GRB2: variants seen among roughly 807,000 people sequenced by gnomAD.
GRB2 encodes growth factor receptor-bound protein 2.
GRB2 carries 2 observed loss-of-function variants against 27.4 expected under a neutral mutation model. The ratio of observed to expected loss-of-function variants is 0.07; its 90% confidence interval spans 0.03 to 0.23. The LOEUF (loss-of-function observed/expected upper bound fraction) is 0.23. Ranked by LOEUF, GRB2 falls within the 10% of genes least tolerant of loss-of-function variation. The pLI is 1.00. For missense variants in GRB2, 102 were observed against 282.4 expected (o/e 0.36, Z 4.58); for synonymous variants, 94 against 99.6 (o/e 0.94, Z 0.33).
At chr17:75,337,517 C>T (rs564793822) in intron 2 of GRB2, among the ~76,000 whole-genome samples, 291 of 151,788 alleles carry the variant, frequency 1.9e-3, no homozygotes, top group African/African-American at 6.8e-3. Context: ...TTTGCTGTGG[C>T]TTTAGGTGAA....
intron 2 of GRB2, among the ~76,000 whole-genome samples, chr17:75,377,180 G>A (rs2078899496): frequency 6.6e-6 from 1 of 151,958 alleles, no homozygotes; most frequent in African/African-American, 2.4e-5. Context: ...ATAATACAGG[G>A]TGTGGTGGTG....
chr17:75,335,469 C>T (rs2078570855), intron 2 of GRB2, among the ~76,000 whole-genome samples: 2 of 152,120 alleles, frequency 1.3e-5, no homozygotes, highest in Admixed American at 1.3e-4. Context: ...CTGTGTACTG[C>T]CATTCAAAGT....
intron 2 of GRB2, among the ~76,000 whole-genome samples, chr17:75,354,724 T>G (rs1437177967): frequency 6.6e-6 from 1 of 152,122 alleles, no homozygotes; most frequent in Non-Finnish European, 1.5e-5. Flanking sequence ...TGACAGCTAT[T>G]ATTCAAACTT....
chr17:75,364,713 T>C (rs1255647380), intron 2 of GRB2, among the ~76,000 whole-genome samples: 2 of 152,062 alleles, frequency 1.3e-5, no homozygotes, highest in Non-Finnish European at 2.9e-5. Context: ...TCTGCAGCTG[T>C]AGGGGATGGA....
intron 2 of GRB2, chr17:75,371,500 A>T (rs1346887115): frequency 6.6e-6 from 1 of 152,122 alleles, no homozygotes; most frequent in Non-Finnish European, 1.5e-5. Context: ...ACATTAAACT[A>T]TGTTGCTAGG....
At chr17:75,362,576 T>C (rs553452683) in intron 2 of GRB2, among the ~76,000 whole-genome samples, 2 of 152,386 alleles carry the variant, frequency 1.3e-5, no homozygotes, top group Admixed American at 1.3e-4. Context: ...ACTTTATCCC[T>C]GTTCTTAGCA....
chr17:75,363,710 A>G (rs900118375), intron 2 of GRB2, among the ~76,000 whole-genome samples: 1 of 151,732 alleles, frequency 6.6e-6, no homozygotes. Context: ...ATACAAAAAA[A>G]TTAGCCGGGC....
chr17:75,394,328 G>C (rs1333976154), intron 1 of GRB2: 1 of 152,312 alleles, frequency 6.6e-6, no homozygotes, highest in African/African-American at 2.4e-5. Context: ...GCTCCCAGGA[G>C]AGCAGGAGAA....
chr17:75,373,412 C>CT (rs1160602770), intron 2 of GRB2: 1 of 152,214 alleles, frequency 6.6e-6, no homozygotes, highest in Non-Finnish European at 1.5e-5. Flanking sequence ...CTCATGTCTA[C>CT]TTTTATAACT....
intron 2 of GRB2, among the ~76,000 whole-genome samples, chr17:75,393,182 A>G (rs2145872531): frequency 6.6e-6 from 1 of 152,350 alleles, no homozygotes; most frequent in Middle Eastern, 3.4e-3. Context: ...ATGCTTTTAC[A>G]TAAATACTTC....
chr17:75,369,850 C>T (rs1057044407), intron 2 of GRB2, among the ~76,000 whole-genome samples: 2 of 95,002 alleles, frequency 2.1e-5, no homozygotes, highest in African/African-American at 5.2e-5. Flanking sequence ...ACAGAGACTC[C>T]GTCTCAAAAA....
chr17:75,347,454 T>A (rs1305032694), intron 2 of GRB2, among the ~76,000 whole-genome samples: 1 of 152,156 alleles, frequency 6.6e-6, no homozygotes, highest in Non-Finnish European at 1.5e-5. Flanking sequence ...TTTCTTTGCA[T>A]GCCCACAAAC....
chr17:75,391,573 C>G (rs1356810769), intron 2 of GRB2, among the ~76,000 whole-genome samples: 2 of 152,086 alleles, frequency 1.3e-5, no homozygotes, highest in Non-Finnish European at 2.9e-5. Flanking sequence ...CTTTGGGAGG[C>G]CGAGGTGGGC....
At chr17:75,380,734 T>C (rs1487618624) in intron 2 of GRB2, among the ~76,000 whole-genome samples, 1 of 152,164 alleles carries the variant, frequency 6.6e-6, no homozygotes, top group Admixed American at 6.5e-5. Flanking sequence ...CTGACAAAGC[T>C]ATAAAAAAAG....
chr17:75,321,770 G>A lies in GRB2; in HGVS notation c.357C>T (p.Phe119=), dbSNP rs2078461725. 3 of 1,614,132 alleles carry A rather than the reference G, an allele frequency of 1.9e-6. No homozygotes were observed. The highest frequency in any genetic ancestry group is 2.5e-6 in the Non-Finnish European group (3 of 1,179,984). ...AAGAATTGAACTTCACCACCCAGAGGAAGTACTTCCCGGCTCCATCTCGGA... is the reference window on the plus strand; with the variant it reads ...AAGAATTGAACTTCACCACCCAGAGAAAGTACTTCCCGGCTCCATCTCGGA... ...KVLRDGAGKY[F]LWVVKFNSLN... The change falls in exon 5 of 6, where the codon TTC becomes TTT. Residue 119 remains phenylalanine (F), a synonymous_variant. Coordinates refer to ENST00000316804, the MANE Select transcript of GRB2 (RefSeq NM_002086.5).
chr17:75,362,039 A>G (rs924129314), intron 2 of GRB2, among the ~76,000 whole-genome samples: 2 of 152,150 alleles, frequency 1.3e-5, no homozygotes, highest in East Asian at 3.9e-4. Flanking sequence ...AACCACATAC[A>G]TTGTGCCATA....
At chr17:75,376,277 A>G (rs1209077622) in intron 2 of GRB2, among the ~76,000 whole-genome samples, 1 of 145,858 alleles carries the variant, frequency 6.9e-6, no homozygotes, top group Non-Finnish European at 1.5e-5. Context: ...CCTGGGAGGC[A>G]GACGTTGCAG....
chr17:75,383,791 A>G (rs7211915), intron 2 of GRB2, among the ~76,000 whole-genome samples: 100,491 of 152,056 alleles, frequency 0.66, 38,198 homozygotes, highest in East Asian at 0.91. Flanking sequence ...GCAGTCAGCC[A>G]AGACAGCACC....
intron 2 of GRB2, among the ~76,000 whole-genome samples, chr17:75,363,839 G>A (rs971988565): frequency 8.6e-6 from 1 of 116,878 alleles, no homozygotes; most frequent in African/African-American, 3.3e-5. Context: ...CAGCCTGGGC[G>A]ACAGAGCAAG....
Sources: gnomAD v4.1 joint callset for allele counts (sites outside exome capture counted in the v4.1 genomes callset) on GRCh38, gnomAD v4.1.1 for gene constraint, MANE v1.5 for transcripts, NCBI Gene and HGNC (gene_info 2026-07-23, HGNC 2026-07-21) for gene names.